The following HECA variants were observed in gnomAD, a reference collection of about 807,000 sequenced individuals.
HECA encodes the protein headcase protein homolog.
Under a neutral mutation model 37.6 loss-of-function variants are expected in HECA, and 13 were observed. The ratio of observed to expected loss-of-function variants is 0.35; its 90% CI spans 0.23 to 0.55. The LOEUF (loss-of-function observed/expected upper bound fraction) is 0.55, where lower values mean the gene tolerates loss of function less well. Among genes scored for constraint, HECA ranks in the 20% least tolerant of loss-of-function variants. HECA has a pLI of 0.90. For missense variants in HECA, 527 were observed against 701.9 expected, an observed-to-expected ratio of 0.75 and a Z score of 2.82; for synonymous variants, 307 against 291.5, an observed-to-expected ratio of 1.05 and a Z score of -0.54.
At chr6:139,139,194 G>A (rs1290366473) in intron 1 of HECA, among the ~76,000 whole-genome samples, 2 of 152,252 alleles carry the variant, frequency 1.3e-5, no homozygotes, top group South Asian at 2.1e-4. Flanking sequence ...GATGGAGTTC[G>A]TTTGCATAGA....
At chr6:139,151,268 G>A (rs143005064) in intron 1 of HECA, 1 of 152,320 alleles carries the variant, frequency 6.6e-6, no homozygotes, top group East Asian at 1.9e-4. Context: ...CAGCAGGGCA[G>A]AAAAGGCCTG....
chr6:139,167,861 TG>T (rs1010903998), intron 2 of HECA, among the ~76,000 whole-genome samples: 2 of 152,058 alleles, frequency 1.3e-5, no homozygotes, highest in African/African-American at 4.8e-5. Flanking sequence ...GGAGGGGCGA[TG>T]GGGAAGCTTA....
intron 1 of HECA, among the ~76,000 whole-genome samples, chr6:139,152,633 A>G (rs2114449656): frequency 6.6e-6 from 1 of 152,330 alleles, no homozygotes; most frequent in East Asian, 1.9e-4. Context: ...AAAGGTTAAG[A>G]CAGATAAGCT....
At position 139,167,023 on chromosome 6, in the gene HECA, C is replaced by T. The variant is rs34476011; in HGVS notation, c.1011C>T (p.Phe337=). 0.045 allele frequency: 73,149 copies of T among 1,614,144 alleles called. 1,783 individuals carry two copies. The highest frequency in any genetic ancestry group is 0.066 in the African/African-American group (4,920 of 75,038). ...TGGCAGTTCACAGGGGGGGACACTTCGACACCCCCGTGCAGTTCCTTCGGC... is the reference window on the plus strand; with the variant it reads ...TGGCAGTTCACAGGGGGGGACACTTTGACACCCCCGTGCAGTTCCTTCGGC... The part of the protein sequence containing the change: ...AGLAVHRGGH[F]DTPVQFLRRL... The change falls in exon 2 of 4, where the codon TTC becomes TTT. Residue 337 remains phenylalanine, a synonymous_variant. Transcript: ENST00000367658.
At position 139,176,806 on chromosome 6, in the gene HECA, G is replaced by A. The variant is rs372466667; in HGVS notation, c.1468-135G>A. On this transcript the variant is annotated intron_variant, in intron 3 of 3. Coordinates refer to ENST00000367658, the MANE Select transcript of HECA (RefSeq NM_016217.3). The surrounding 1 kb of genome is among the most constrained non-coding windows in gnomAD (Gnocchi z 4.5). The stretch of plus-strand genomic sequence containing the variant: ...GTTGGGAGTCTTTCAGGTATACCCC[G>A]TTTCCATGTTTTTGGTAGTAAAAGG... 20 of 632,390 alleles carry A rather than the reference G, an allele frequency of 3.2e-5. No homozygotes were observed. Among genetic ancestry groups the A allele is most frequent in the South Asian group, 2.1e-4 (10 of 47,738 alleles). The allele number at this position is 632,390 out of a possible 1,614,324, so 39.2% of individuals were successfully genotyped here.
rs77217408 is a variant in HECA at position 139,177,481 on chromosome 6, C to G, written c.*376C>G. The G allele has an allele frequency of 7.3e-3, 1,174 of 161,034 alleles. 15 individuals are homozygous for G. Among genetic ancestry groups the G allele is most frequent in the African/African-American group, 0.026 (1,092 of 41,712 alleles). The allele number at this position is 161,034 out of a possible 1,614,324, so 10.0% of individuals were successfully genotyped here. A position where few individuals can be genotyped will look rare whatever the true frequency, so the allele number is the denominator to read the frequency against. On this transcript the variant is annotated 3_prime_UTR_variant, in exon 4 of 4. Coordinates refer to ENST00000367658, the MANE Select transcript of HECA (RefSeq NM_016217.3). The surrounding 1 kb of genome is among the most constrained non-coding windows in gnomAD (Gnocchi z 4.9). ...ACTAAAATGTTAACTTTCTAAAAAC[C>G]TTCTTTTAGATCTTCCTTGGGCCTT...
intron 1 of HECA, among the ~76,000 whole-genome samples, chr6:139,158,521 G>T (rs950228574): frequency 5.6e-5 from 8 of 143,102 alleles, no homozygotes; most frequent in Admixed American, 3.5e-4. Context: ...AAAAAAATCA[G>T]CTGGGAGTGG....
rs1775064166 is a variant in HECA, at chr6:139,177,168, T to C, written c.*63T>C. ...TTATTACTTTATTACATATCTTTTA[T>C]AGGGAAACATTCTGTGACATTAATT... On this transcript the variant is annotated 3_prime_UTR_variant, in exon 4 of 4. Coordinates refer to ENST00000367658, the MANE Select transcript of HECA (RefSeq NM_016217.3). The surrounding 1 kb of genome is among the most constrained non-coding windows in gnomAD (Gnocchi z 4.9). 1.4e-6 allele frequency: 1 copy of C among 700,960 alleles called. No homozygotes were observed. Among genetic ancestry groups the C allele is most frequent in the East Asian group, 2.8e-5 (1 of 36,346 alleles). The allele number at this position is 700,960 out of a possible 1,614,324, so 43.4% of individuals were successfully genotyped here.
chr6:139,142,557 C>T (rs1424730688), intron 1 of HECA, among the ~76,000 whole-genome samples: 1 of 152,074 alleles, frequency 6.6e-6, no homozygotes, highest in African/African-American at 2.4e-5. Context: ...ACTGGAGGGC[C>T]CCATTTGCAT....
intron 1 of HECA, among the ~76,000 whole-genome samples, chr6:139,146,144 T>G (rs986212952): frequency 2.6e-5 from 4 of 152,206 alleles, no homozygotes; most frequent in African/African-American, 9.6e-5. Context: ...TTTATTTCAT[T>G]TTATTGGAAA....
At chr6:139,150,994 T>C (rs1774643413) in intron 1 of HECA, 1 of 152,226 alleles carries the variant, frequency 6.6e-6, no homozygotes, top group Non-Finnish European at 1.5e-5. Context: ...AGTCTACTTT[T>C]TCATTTTTAC....
chr6:139,170,039 A>C (rs916890409), intron 2 of HECA: 3 of 152,322 alleles, frequency 2.0e-5, no homozygotes, highest in African/African-American at 7.2e-5. Context: ...AGTTTAATTC[A>C]GGGTTGAAAT....
chr6:139,145,474 T>C (rs979446137), intron 1 of HECA, among the ~76,000 whole-genome samples: 1 of 152,216 alleles, frequency 6.6e-6, no homozygotes, highest in Non-Finnish European at 1.5e-5. Context: ...TTCAATGTAG[T>C]CATATAATTG....
intron 2 of HECA, among the ~76,000 whole-genome samples, chr6:139,172,904 G>T (rs562519888): frequency 1.1e-3 from 166 of 152,208 alleles, no homozygotes; most frequent in Non-Finnish European, 2.1e-3. Context: ...CCATACCCTC[G>T]GTTAACTCTT....
At chr6:139,135,865 G>T (rs1159959473) in intron 1 of HECA, among the ~76,000 whole-genome samples, 198 bp downstream of exon 1, 1 of 151,634 alleles carries the variant, frequency 6.6e-6, no homozygotes, top group Non-Finnish European at 1.5e-5. Context: ...CCCCTGCCCG[G>T]TGTCCGCGCG....
chr6:139,142,084 A>G (rs2327923), intron 1 of HECA, among the ~76,000 whole-genome samples: 107,406 of 151,242 alleles, frequency 0.71, 39,332 homozygotes, highest in African/African-American at 0.86. Flanking sequence ...CCGCCACCAC[A>G]CCCGGCTAAT....
intron 1 of HECA, among the ~76,000 whole-genome samples, chr6:139,148,687 A>C (rs544628663): frequency 6.6e-6 from 1 of 152,152 alleles, no homozygotes; most frequent in African/African-American, 2.4e-5. Flanking sequence ...AATCGCTTCA[A>C]CCTGGGAGGC....
chr6:139,144,800 G>A (rs1353085583), intron 1 of HECA, among the ~76,000 whole-genome samples: 1 of 152,216 alleles, frequency 6.6e-6, no homozygotes, highest in Non-Finnish European at 1.5e-5. Flanking sequence ...GAGGGCACAT[G>A]GCACATGCTG....
At chr6:139,144,409 G>C (rs1246678469) in intron 1 of HECA, 1 of 152,368 alleles carries the variant, frequency 6.6e-6, no homozygotes, top group Non-Finnish European at 1.5e-5. Context: ...CATTTGAGCT[G>C]AGTCTTGCAG....
Sources: gnomAD v4.1 joint callset for allele counts (sites outside exome capture counted in the v4.1 genomes callset) on GRCh38, gnomAD v4.1.1 for gene constraint, Gnocchi (gnomAD v3.1) non-coding constraint, MANE v1.5 for transcripts, NCBI Gene and HGNC (gene_info 2026-07-23, HGNC 2026-07-21) for gene names.